ENPP5: variants seen among roughly 807,000 people sequenced by gnomAD.
The protein encoded by ENPP5 is E-NPP 5.
In ENPP5, 27 loss-of-function variants were observed where a neutral mutation model predicts 33.7. The observed-to-expected ratio is 0.80, with a 90% CI of 0.59 to 1.11. The LOEUF is 1.11. Ranked by LOEUF, ENPP5 falls within the 50% of genes least tolerant of loss-of-function variation. The pLI, the probability that ENPP5 is intolerant of heterozygous loss-of-function variation, is 0.00. For missense variants in ENPP5, 552 were observed against 579.2 expected (o/e 0.95, Z 0.48); for synonymous variants, 199 against 200.5 (o/e 0.99, Z 0.06).
chr6:46,161,628 A>G lies in ENPP5; in HGVS notation c.1132T>C (p.Cys378Arg). 2 of 1,614,054 alleles carry G rather than the reference A, an allele frequency of 1.2e-6. No homozygotes were observed. The highest frequency in any genetic ancestry group is 8.5e-7 in the Non-Finnish European group (1 of 1,179,912). ...ATGGCGGTGATATTGAGGAGGTGGC[A>G]TAGTAGTGGGTACAAATCTGTGGAG... is the stretch of plus-strand genomic sequence containing the variant. ...MNSTDLYPLL[C>R]HLLNITAMPH... Residue 378 changes from cysteine (C) to arginine (R), a missense_variant, in exon 5 of 5, where the codon TGC (cysteine) becomes CGC (arginine). Cys to Arg is a radical substitution (Grantham distance 180). Transcript: ENST00000371383.
intron 3 of ENPP5, among the ~76,000 whole-genome samples, chr6:46,166,034 A>G (rs981889058): frequency 2.6e-5 from 4 of 152,130 alleles, no homozygotes; most frequent in Non-Finnish European, 5.9e-5. Flanking sequence ...CCCTATAACT[A>G]CAAATGCGGT....
chr6:46,165,485 T>G lies in ENPP5; in HGVS notation c.908A>C (p.Glu303Ala). The change falls in exon 4 of 5, where the codon GAA becomes GCA. Residue 303 changes from glutamate (E) to alanine (A), a missense_variant. Glu to Ala is a moderately radical substitution (Grantham distance 107). Coordinates refer to ENST00000371383, the MANE Select transcript of ENPP5 (RefSeq NM_001290072.2). ...LTVYKKEDVP[E>A]RWHYKYNSRI... The stretch of plus-strand genomic sequence containing the variant: ...ACTGTTGTATTTGTAATGCCACCTT[T>G]CTGGAACGTCTTCTTTTTTGTAAAC... 1 of 1,611,936 alleles carries G rather than the reference T, an allele frequency of 6.2e-7. No homozygotes were observed.
intron 1 of ENPP5, 74 bp downstream of exon 1, chr6:46,170,734 G>C (rs1310055494): frequency 6.6e-6 from 1 of 152,194 alleles, no homozygotes; most frequent in Non-Finnish European, 1.5e-5. Context: ...TGGCAAGGAG[G>C]GGACGTTGCT....
In ENPP5 at chr6:46,167,893, A is replaced by C; in HGVS notation, c.370T>G (p.Trp124Gly). 1 of 1,614,204 alleles carries C rather than the reference A, an allele frequency of 6.2e-7. No homozygotes were observed. The highest frequency in any genetic ancestry group is 1.7e-4 in the Middle Eastern group (1 of 6,060). ...TGTCCTGCCCTCTGGTTTGTGATCC[A>C]TATTGGTGTCGCTTCTTCCCAAAAC... is the stretch of plus-strand genomic sequence containing the variant. Reference protein sequence around the residue: ...SKFWEEATPIWITNQRAGHTS... With the variant: ...SKFWEEATPIGITNQRAGHTS... Residue 124 changes from tryptophan (W) to glycine (G), a missense_variant, in exon 3 of 5, where the codon TGG becomes GGG. Coordinates refer to ENST00000371383, the MANE Select transcript of ENPP5 (RefSeq NM_001290072.2).
intron 2 of ENPP5, 50 bp from the exon 3 acceptor site, chr6:46,168,347 C>T (rs1483294423): frequency 4.9e-6 from 4 of 818,014 alleles, no homozygotes; most frequent in Non-Finnish European, 7.6e-6. Context: ...GTTTTGTATA[C>T]TTTACCCCAA....
chr6:46,168,073 CT>C lies in ENPP5; in HGVS notation c.189del (p.Val64LeufsTer17). 6.2e-7 allele frequency: 1 copy of C among 1,614,028 alleles called. No individual in the cohort carries two copies. The highest frequency in any genetic ancestry group is 1.1e-5 in the South Asian group (1 of 91,052). On this transcript the variant is annotated frameshift_variant, in exon 3 of 5. Transcript: ENST00000371383. LOFTEE classifies it high-confidence loss of function. ...YIMKYGVHVK[Q>X]VTNVFITKTY... ...GTTTTTGTAATAAAAACATTAGTAA[CT>C]TGCTTCACGTGAACACCATATTTCA... is the stretch of plus-strand genomic sequence containing the variant.
Position 46,167,818 on chromosome 6 carries a change from G to A in ENPP5, c.445C>T (p.Arg149Cys), listed in dbSNP as rs764073419. The change falls in exon 3 of 5, where the codon CGC becomes TGC. Residue 149 changes from arginine to cysteine, a missense_variant. Coordinates refer to ENST00000371383, the MANE Select transcript of ENPP5 (RefSeq NM_001290072.2). ...WPGTDVKIHK[R>C]FPTHYMPYNE... Reference sequence around the variant, plus strand: ...TAAGGCATGTAATGAGTAGGAAAGCGCTTATGTATTTTTACATCTGTTCCG... The same window carrying A: ...TAAGGCATGTAATGAGTAGGAAAGCACTTATGTATTTTTACATCTGTTCCG... The A allele has an allele frequency of 1.2e-5, 20 of 1,613,982 alleles. No individual in the cohort carries two copies. In the Admixed American group the frequency reaches 1.5e-4, roughly 12 times the overall value.
chr6:46,164,113 A>G (rs1047488846), intron 4 of ENPP5, among the ~76,000 whole-genome samples: 6 of 152,202 alleles, frequency 3.9e-5, no homozygotes, highest in African/African-American at 1.4e-4. Flanking sequence ...AATTAAACTA[A>G]AGAGCTTCTG....
At chr6:46,165,305 A>T in intron 4 of ENPP5, 82 bp downstream of exon 4, 2 of 998,858 alleles carry the variant, frequency 2.0e-6, no homozygotes, top group South Asian at 2.2e-5. Flanking sequence ...ATCAATCAAT[A>T]AACTGCTGTA....
chr6:46,163,853 C>A (rs1424283140), intron 4 of ENPP5, among the ~76,000 whole-genome samples: 1 of 151,948 alleles, frequency 6.6e-6, no homozygotes, highest in Non-Finnish European at 1.5e-5. Context: ...GGAAAGGATT[C>A]CCTATTTAAT....
intron 4 of ENPP5, among the ~76,000 whole-genome samples, chr6:46,163,794 G>T (rs1210227871): frequency 6.6e-6 from 1 of 152,110 alleles, no homozygotes; most frequent in Non-Finnish European, 1.5e-5. Context: ...GTGATGATGA[G>T]CATTTTTTCA....
Position 46,167,717 on chromosome 6 carries a change from A to T in ENPP5, c.546T>A (p.Leu182=). The T allele has an allele frequency of 6.2e-7, 1 of 1,614,220 alleles. No individual in the cohort carries two copies. The highest frequency in any genetic ancestry group is 8.5e-7 in the Non-Finnish European group (1 of 1,180,042). The change falls in exon 3 of 5, where the codon CTT becomes CTA. Residue 182 remains leucine (L), a synonymous_variant. Transcript: ENST00000371383. ...CAGGGTCTTCCCAATAGAGAAGACCAAGATTTATGGGCTCTTTTGACGTAA... is the reference window on the plus strand; with the variant it reads ...CAGGGTCTTCCCAATAGAGAAGACCTAGATTTATGGGCTCTTTTGACGTAA... ...EWFTSKEPIN[L]GLLYWEDPDD... is the part of the protein sequence containing the mutation.
In ENPP5 at chr6:46,167,579, C is replaced by T; in HGVS notation, c.684G>A (p.Trp228Ter). The T allele has an allele frequency of 1.9e-6, 3 of 1,614,176 alleles. No individual in the cohort carries two copies. Among genetic ancestry groups the T allele is most frequent in the Non-Finnish European group, 2.5e-6 (3 of 1,180,020 alleles). ...LIQMLKKAKL[W>*]NTLNLIITSD... is the part of the protein sequence containing the mutation. ...TTGTGATGATTAGGTTCAGAGTGTT[C>T]CACAACTTTGCCTTTTTCAGCATTT... Residue 228 changes from tryptophan to a stop codon, truncating the protein, a stop_gained, in exon 3 of 5, where the codon TGG becomes TGA. Transcript: ENST00000371383. LOFTEE classifies it high-confidence loss of function.
rs1422381994 is a variant in ENPP5, at chr6:46,160,345, T to A, written c.*981A>T. The A allele has an allele frequency of 6.6e-6, 1 of 152,188 alleles. No individual in the cohort carries two copies. Among genetic ancestry groups the A allele is most frequent in the African/African-American group, 2.4e-5 (1 of 41,468 alleles). 9.4% of individuals were successfully genotyped at this position (152,188 alleles called of 1,614,324 possible). On this transcript the variant is annotated 3_prime_UTR_variant, in exon 5 of 5. Coordinates refer to ENST00000371383, the MANE Select transcript of ENPP5 (RefSeq NM_001290072.2). ...AACTTTGAATCTTCAAATGCTCAAATCTAAAAGATGCTTGTGCTCTGTTAT... is the reference window on the plus strand; with the variant it reads ...AACTTTGAATCTTCAAATGCTCAAAACTAAAAGATGCTTGTGCTCTGTTAT...
Position 46,161,184 on chromosome 6 carries a change from T to TGTGTGTG in ENPP5, c.*135_*141dup. The TGTGTGTG allele has an allele frequency of 1.6e-6, 1 of 630,460 alleles. No individual in the cohort carries two copies. The highest frequency in any genetic ancestry group is 2.7e-6 in the Non-Finnish European group (1 of 363,788). The allele number at this position is 630,460 out of a possible 1,614,324, so 39.1% of individuals were successfully genotyped here. A position where few individuals can be genotyped will look rare whatever the true frequency, so the allele number is the denominator to read the frequency against. On this transcript the variant is annotated 3_prime_UTR_variant, in exon 5 of 5. Transcript: ENST00000371383. ...GTCCGTGTGTGTGTATGTGTGTGTG[T>TGTGTGTG]GTGTGTGTGTATACCTAAATATGTA...
chr6:46,170,172 G>A (rs1381678928), intron 1 of ENPP5, 58 bp from the exon 2 acceptor site: 1 of 152,198 alleles, frequency 6.6e-6, no homozygotes, highest in East Asian at 1.9e-4. Context: ...TAAAAGCAGA[G>A]GAAATAAACT....
At chr6:46,169,394 C>CT (rs58296228) in intron 2 of ENPP5, among the ~76,000 whole-genome samples, 13,773 of 138,714 alleles carry the variant, frequency 0.099, 699 homozygotes, top group East Asian at 0.16. Context: ...CTGAAGACTT[C>CT]TTTTTTTTTT....
chr6:46,170,358 G>C (rs1476048654), intron 1 of ENPP5, among the ~76,000 whole-genome samples: 1 of 151,876 alleles, frequency 6.6e-6, no homozygotes, highest in African/African-American at 2.4e-5. Context: ...GCAATAAACA[G>C]AGGTGGGGGG....
Position 46,162,651 on chromosome 6 carries a change from T to A in ENPP5, c.1007-898A>T, listed in dbSNP as rs1168940814. Among the ~76,000 whole-genome samples the A allele has an allele frequency of 2.0e-5, 3 of 152,096 alleles. No individual in the cohort carries two copies. In the East Asian group the frequency reaches 5.8e-4, roughly 29 times the overall value. Reference sequence around the variant, plus strand: ...AGGAACGCTCCCTGCCCCATCCACCTCGAAAAAATCCTAAATCAGTTTTTC... The same window carrying A: ...AGGAACGCTCCCTGCCCCATCCACCACGAAAAAATCCTAAATCAGTTTTTC... On this transcript the variant is annotated intron_variant, in intron 4 of 4. Coordinates refer to ENST00000371383, the MANE Select transcript of ENPP5 (RefSeq NM_001290072.2).
Sources: gnomAD v4.1 joint callset for allele counts (sites outside exome capture counted in the v4.1 genomes callset) on GRCh38, gnomAD v4.1.1 for gene constraint, MANE v1.5 for transcripts, NCBI Gene and HGNC (gene_info 2026-07-23, HGNC 2026-07-21) for gene names.